The following NAALADL2 variants were observed in gnomAD, a reference collection of about 807,000 sequenced individuals.
The protein encoded by NAALADL2 is inactive N-acetylated-alpha-linked acidic dipeptidase-like protein 2.
In NAALADL2, 76 loss-of-function variants were observed where a neutral mutation model predicts 87.2. The observed-to-expected ratio is 0.87, with a 90% CI of 0.72 to 1.05. The LOEUF (loss-of-function observed/expected upper bound fraction) is 1.05, where lower values mean the gene tolerates loss of function less well. NAALADL2 is among the 50% of genes least tolerant of loss of function. NAALADL2 has a pLI of 0.00. For synonymous variants in NAALADL2, 354 were observed against 331.0 expected, an observed-to-expected ratio of 1.07 and a Z score of -0.75; for missense variants, 1,089 against 945.8, an observed-to-expected ratio of 1.15 and a Z score of -1.99.
At chr3:175,681,710 A>G (rs1177183390) in intron 11 of NAALADL2, among the ~76,000 whole-genome samples, 1 of 152,204 alleles carries the variant, frequency 6.6e-6, no homozygotes, top group Non-Finnish European at 1.5e-5. Flanking sequence ...GAAGAGTAAT[A>G]CCAATACAGG....
At chr3:174,713,585 G>C (rs896769246) in intron 2 of NAALADL2, among the ~76,000 whole-genome samples, 15 of 152,124 alleles carry the variant, frequency 9.9e-5, no homozygotes, top group Non-Finnish European at 1.9e-4. Context: ...TGTGTCTTTT[G>C]GCTGCATAAA....
At chr3:175,054,993 A>T (rs981213329) in intron 1 of NAALADL2, among the ~76,000 whole-genome samples, 7 of 152,152 alleles carry the variant, frequency 4.6e-5, no homozygotes, top group African/African-American at 1.7e-4. Flanking sequence ...GGCTTTACCA[A>T]CTCCAACTAT....
intron 2 of NAALADL2, among the ~76,000 whole-genome samples, chr3:174,640,559 TG>T (rs1723072750): frequency 6.6e-6 from 1 of 152,174 alleles, no homozygotes; most frequent in Non-Finnish European, 1.5e-5. Context: ...CTTGACAATG[TG>T]GGCCAGCAAG....
chr3:175,273,462 C>G (rs1753143771), intron 4 of NAALADL2, among the ~76,000 whole-genome samples: 1 of 152,092 alleles, frequency 6.6e-6, no homozygotes, highest in Non-Finnish European at 1.5e-5. Flanking sequence ...AATTGCTACT[C>G]TAGGTTACCT....
At chr3:175,084,740 C>A (rs1718546135) in intron 1 of NAALADL2, among the ~76,000 whole-genome samples, 1 of 152,022 alleles carries the variant, frequency 6.6e-6, no homozygotes, top group Admixed American at 6.6e-5. Context: ...TATCATAAGA[C>A]TACAGGCAAT....
intron 2 of NAALADL2, among the ~76,000 whole-genome samples, chr3:175,153,998 T>G (rs1254467600): frequency 6.6e-6 from 1 of 152,184 alleles, no homozygotes; most frequent in East Asian, 1.9e-4. Context: ...ATTTAAAAAA[T>G]TCTCATCTTT....
At chr3:174,933,875 G>A (rs973268183) in intron 1 of NAALADL2, among the ~76,000 whole-genome samples, 5 of 152,090 alleles carry the variant, frequency 3.3e-5, no homozygotes, top group African/African-American at 1.2e-4. Context: ...AAGGTACTGG[G>A]TACTAGCTTT....
At chr3:175,391,756 T>G (rs906161268) in intron 5 of NAALADL2, among the ~76,000 whole-genome samples, 1 of 152,180 alleles carries the variant, frequency 6.6e-6, no homozygotes, top group Non-Finnish European at 1.5e-5. Flanking sequence ...AGATAACTAA[T>G]GCACATACTA....
chr3:175,023,689 A>T lies in NAALADL2; in HGVS notation c.44-73101A>T, dbSNP rs139949278. On this transcript the variant is annotated intron_variant, in intron 1 of 13. Transcript: ENST00000454872. ...AATATATTTCTTGACATCACTAATA[A>T]CAATGAAATGCTTCATACTAGAATG... Among the ~76,000 whole-genome samples, 533 of 152,192 alleles carry T rather than the reference A, an allele frequency of 3.5e-3. 1 individual carries two copies. Among genetic ancestry groups the T allele is most frequent in the African/African-American group, 0.012 (511 of 41,564 alleles).
intron 2 of NAALADL2, among the ~76,000 whole-genome samples, chr3:174,615,152 A>G (rs1720331551): frequency 6.6e-6 from 1 of 152,190 alleles, no homozygotes; most frequent in African/African-American, 2.4e-5. Context: ...TAGAAAGTGG[A>G]CTCAGAAAGG....
At chr3:174,716,390 T>C (rs1397681090) in intron 2 of NAALADL2, among the ~76,000 whole-genome samples, 1 of 151,440 alleles carries the variant, frequency 6.6e-6, no homozygotes, top group Non-Finnish European at 1.5e-5. Context: ...CTCACACCTT[T>C]TAAATAAGGA....
At chr3:175,298,292 T>C (rs1402755400) in intron 4 of NAALADL2, among the ~76,000 whole-genome samples, 3 of 152,148 alleles carry the variant, frequency 2.0e-5, no homozygotes, top group African/African-American at 7.2e-5. Context: ...TTTAATTATT[T>C]TGTTAGTATA....
chr3:175,038,217 T>C (rs749734320), intron 1 of NAALADL2, among the ~76,000 whole-genome samples: 18 of 152,172 alleles, frequency 1.2e-4, no homozygotes, highest in Non-Finnish European at 2.4e-4. Context: ...ATGAAACATA[T>C]TTATTTGCTA....
Position 175,803,139 on chromosome 3 carries a change from C to T in NAALADL2, c.2324C>T (p.Ser775Leu), listed in dbSNP as rs1408575182. 1.2e-6 allele frequency: 2 copies of T among 1,612,262 alleles called. No individual in the cohort carries two copies. Among genetic ancestry groups the T allele is most frequent in the East Asian group, 2.2e-5 (1 of 44,832 alleles). ...TCAGAGGTGTTGAACAGCATTAATT[C>T]AGCTCAGGTTTACTTCAAAGCAGGA... ...ALSEVLNSIN[S>L]AQVYFKAGLD... The change falls in exon 14 of 14, where the codon TCA becomes TTA. Residue 775 changes from serine to leucine, a missense_variant. By Grantham distance (145) the Ser-to-Leu change is moderately radical. Transcript: ENST00000454872.
intron 7 of NAALADL2, among the ~76,000 whole-genome samples, chr3:175,464,672 G>A (rs1723706988): frequency 6.6e-6 from 1 of 152,112 alleles, no homozygotes; most frequent in African/African-American, 2.4e-5. Flanking sequence ...CTAGTTGCTA[G>A]CTCAGAATTT....
At chr3:174,867,945 A>G (rs1284529694) in intron 1 of NAALADL2, among the ~76,000 whole-genome samples, 1 of 152,044 alleles carries the variant, frequency 6.6e-6, no homozygotes, top group Non-Finnish European at 1.5e-5. Context: ...GAGCTCTCAG[A>G]AAGTCTAAGA....
chr3:174,626,669 A>G (rs1721610153), intron 2 of NAALADL2, among the ~76,000 whole-genome samples: 1 of 152,048 alleles, frequency 6.6e-6, no homozygotes, highest in Non-Finnish European at 1.5e-5. Flanking sequence ...ACCTTTAGCT[A>G]AAGAGTATAC....
intron 2 of NAALADL2, among the ~76,000 whole-genome samples, chr3:175,140,493 G>T (rs984745903): frequency 6.6e-6 from 1 of 152,092 alleles, no homozygotes; most frequent in African/African-American, 2.4e-5. Flanking sequence ...ACCTTGAAGG[G>T]TCAAGGTTAG....
chr3:175,779,838 G>A (rs933449623), intron 13 of NAALADL2, among the ~76,000 whole-genome samples: 3 of 152,118 alleles, frequency 2.0e-5, no homozygotes, highest in Non-Finnish European at 4.4e-5. Flanking sequence ...TCTTAGGACA[G>A]AAATACATTT....
Sources: gnomAD v4.1 joint callset for allele counts (sites outside exome capture counted in the v4.1 genomes callset) on GRCh38, gnomAD v4.1.1 for gene constraint, MANE v1.5 for transcripts, NCBI Gene and HGNC (gene_info 2026-07-23, HGNC 2026-07-21) for gene names.